Variants in MEF2D observed in about 807,000 individuals in gnomAD.
The protein encoded by MEF2D is myocyte enhancer factor 2D.
A neutral mutation model predicts 59.3 loss-of-function variants in MEF2D; 10 were observed. That is an observed-to-expected ratio of 0.17 (90% CI 0.10 to 0.29). The LOEUF (loss-of-function observed/expected upper bound fraction) is 0.29. MEF2D is among the 10% of genes least tolerant of loss of function. The probability of loss-of-function intolerance (pLI) is 1.00; values close to 1 mark genes in which losing one functional copy is unlikely to be tolerated. For synonymous variants in MEF2D, 305 were observed against 295.0 expected, an observed-to-expected ratio of 1.03 and a Z score of -0.35; for missense variants, 508 against 699.4, an observed-to-expected ratio of 0.73 and a Z score of 3.09.
intron 1 of MEF2D, among the ~76,000 whole-genome samples, chr1:156,498,485 A>G (rs1673274070): frequency 6.6e-6 from 1 of 152,078 alleles, no homozygotes; most frequent in Non-Finnish European, 1.5e-5. Flanking sequence ...AGTTGTGCCT[A>G]AAAGAGTGGA....
chr1:156,499,762 G>T lies in MEF2D; in HGVS notation c.-139+724C>A, dbSNP rs999369967. 2.0e-5 allele frequency among the ~76,000 whole-genome samples: 3 copies of T among 152,204 alleles called. No individual in the cohort carries two copies. The East Asian group carries it at 5.8e-4, about 29-fold the overall frequency. On this transcript the variant is annotated intron_variant, in intron 1 of 11. Transcript: ENST00000348159. ...CTGGCCAGGGAGTTCTCCAGTTGGG[G>T]TTACTGACAAACCACATCAGGGGTC...
At chr1:156,485,685 A>C (rs994998410) in intron 1 of MEF2D, among the ~76,000 whole-genome samples, 1 of 150,984 alleles carries the variant, frequency 6.6e-6, no homozygotes, top group Non-Finnish European at 1.5e-5. Context: ...ACACCCAGGT[A>C]ATTTATTAAT....
intron 3 of MEF2D, 114 bp from the exon 4 acceptor site, chr1:156,481,085 G>A: frequency 6.9e-7 from 1 of 1,455,648 alleles, no homozygotes; most frequent in Non-Finnish European, 9.4e-7. Flanking sequence ...TCCTTCTTCA[G>A]GGTTCCCAGC....
At position 156,477,096 on chromosome 1, in the gene MEF2D, G is replaced by A. The variant is rs1671665804; in HGVS notation, c.771C>T (p.His257=). 6.2e-7 allele frequency: 1 copy of A among 1,613,890 alleles called. No individual in the cohort carries two copies. Among genetic ancestry groups the A allele is most frequent in the South Asian group, 1.1e-5 (1 of 91,078 alleles). ...GGCTGGGGGCTCCAAGCTGGGTGCT[G>A]TGGGTAGGTGGGGGTGGAGACTTGG... ...IPAKSPPPPT[H]STQLGAPSRK... The change falls in exon 7 of 12, where the codon CAC becomes CAT. Residue 257 remains histidine (H), a synonymous_variant. Coordinates refer to ENST00000348159, the MANE Select transcript of MEF2D (RefSeq NM_005920.4).
intron 7 of MEF2D, 120 bp from the exon 8 acceptor site, chr1:156,476,634 G>T (rs533470625): frequency 2.5e-6 from 3 of 1,203,432 alleles, no homozygotes; most frequent in Admixed American, 4.0e-5. Flanking sequence ...GCTCTACCCA[G>T]CCTACAAAGG....
intron 1 of MEF2D, among the ~76,000 whole-genome samples, chr1:156,492,534 T>C (rs908488024): frequency 6.6e-6 from 1 of 152,170 alleles, no homozygotes; most frequent in East Asian, 1.9e-4. Flanking sequence ...TCCCATATCT[T>C]CTGAAACAAT....
At chr1:156,485,372 A>G (rs1273231871) in intron 1 of MEF2D, among the ~76,000 whole-genome samples, 1 of 151,998 alleles carries the variant, frequency 6.6e-6, no homozygotes, top group Non-Finnish European at 1.5e-5. Flanking sequence ...GAATCTATCA[A>G]TTTGGGAGGA....
chr1:156,482,327 T>C (rs529232467), intron 3 of MEF2D, 110 bp downstream of exon 3: 3 of 1,120,256 alleles, frequency 2.7e-6, no homozygotes, highest in Admixed American at 1.8e-5. Context: ...ACAAGGGGCA[T>C]GTATACCAGT....
chr1:156,486,875 C>T (rs1672405938), intron 1 of MEF2D, among the ~76,000 whole-genome samples: 1 of 152,180 alleles, frequency 6.6e-6, no homozygotes, highest in Non-Finnish European at 1.5e-5. Context: ...TGTGAGAAGT[C>T]CTTCTTGCAG....
At chr1:156,498,609 C>T (rs1467333529) in intron 1 of MEF2D, among the ~76,000 whole-genome samples, 5 of 152,006 alleles carry the variant, frequency 3.3e-5, no homozygotes, top group South Asian at 2.1e-4. Flanking sequence ...CCCCCTCCCC[C>T]CCTTCCCCCC....
chr1:156,480,542 G>T, intron 4 of MEF2D: 1 of 1,249,758 alleles, frequency 8.0e-7, no homozygotes. Context: ...CTAAGAACCC[G>T]AGCATGGCTC....
chr1:156,498,473 G>T (rs1334251143), intron 1 of MEF2D, among the ~76,000 whole-genome samples: 1 of 152,084 alleles, frequency 6.6e-6, no homozygotes, highest in Non-Finnish European at 1.5e-5. Context: ...TCCCTACTAT[G>T]AAGTTGTGCC....
chr1:156,486,177 T>TGGCCCAGCAGACACCTGAGC (rs1672344538), intron 1 of MEF2D, among the ~76,000 whole-genome samples: 1 of 152,072 alleles, frequency 6.6e-6, no homozygotes, highest in Non-Finnish European at 1.5e-5. Context: ...CAGCCCTGAG[T>TGGCCCAGCAGACACCTGAGC]GGCCCAGCAG....
rs369526210 is a variant in MEF2D at position 156,468,046 on chromosome 1, G to C, written c.1501C>G (p.Pro501Ala). The change falls in exon 11 of 12, where the codon CCA (proline) becomes GCA (alanine). Residue 501 changes from proline to alanine, a missense_variant. Coordinates refer to ENST00000348159, the MANE Select transcript of MEF2D (RefSeq NM_005920.4). This position sits in a 1 kb window ranked among gnomAD's most constrained non-coding sequence, Gnocchi z 4.3. ...GPTLGLLRPA[P>A]EPEAEGSAVK... ...GCTGAGCCCTCAGCCTCAGGCTCTG[G>C]GGCTGGGCGCAGCAGGCCCAGTGTG... 6.2e-6 allele frequency: 10 copies of C among 1,613,886 alleles called. No individual in the cohort carries two copies. Among genetic ancestry groups the C allele is most frequent in the African/African-American group, 2.7e-5 (2 of 74,918 alleles).
intron 6 of MEF2D, 107 bp downstream of exon 6, chr1:156,479,183 G>A: frequency 1.1e-6 from 1 of 911,436 alleles, no homozygotes; most frequent in Non-Finnish European, 1.6e-6. Flanking sequence ...TCCTGGCCCT[G>A]GGATCTTCCT....
At chr1:156,473,019 T>C (rs1405346050) in intron 9 of MEF2D, among the ~76,000 whole-genome samples, 2 of 147,556 alleles carry the variant, frequency 1.4e-5, no homozygotes, top group Non-Finnish European at 3.0e-5. Context: ...CTTTTTATGT[T>C]TGAACTTTTT....
intron 1 of MEF2D, among the ~76,000 whole-genome samples, chr1:156,492,008 C>T (rs1196478293): frequency 6.6e-6 from 1 of 152,326 alleles, no homozygotes; most frequent in Non-Finnish European, 1.5e-5. Flanking sequence ...CCAACTGGGT[C>T]CCCTACTCTT....
chr1:156,464,310 A>G lies in MEF2D; in HGVS notation c.*3335T>C, dbSNP rs1409904909. The G allele has an allele frequency of 2.6e-5, 4 of 152,472 alleles. No individual in the cohort carries two copies. Among genetic ancestry groups the G allele is most frequent in the African/African-American group, 9.7e-5 (4 of 41,394 alleles). The allele number at this position is 152,472 out of a possible 1,614,324, so 9.4% of individuals were successfully genotyped here. A position where few individuals can be genotyped will look rare whatever the true frequency, so the allele number is the denominator to read the frequency against. On this transcript the variant is annotated 3_prime_UTR_variant, in exon 12 of 12. Transcript: ENST00000348159. ...CTTTTACATTTCTGTCTCTCCAAACAAATAAATAATCAGCAAGAGAAGGTG... is the reference window on the plus strand; with the variant it reads ...CTTTTACATTTCTGTCTCTCCAAACGAATAAATAATCAGCAAGAGAAGGTG...
At chr1:156,483,567 C>A in intron 1 of MEF2D, 137 bp from the exon 2 acceptor site, 1 of 556,302 alleles carries the variant, frequency 1.8e-6, no homozygotes, top group South Asian at 2.3e-5. Context: ...TGAGGCAATG[C>A]TGTCTGCCTG....
Sources: allele counts gnomAD v4.1 joint callset (sites outside exome capture counted in the v4.1 genomes callset), GRCh38; gene constraint gnomAD v4.1.1; non-coding constraint Gnocchi (gnomAD v3.1); transcripts MANE v1.5; gene names NCBI Gene and HGNC (gene_info 2026-07-23, HGNC 2026-07-21).